Variants in PTPRG observed in about 807,000 individuals in gnomAD.
The protein encoded by PTPRG is receptor-type tyrosine-protein phosphatase gamma.
A neutral mutation model predicts 165.3 loss-of-function variants in PTPRG; 102 were observed. That is an observed-to-expected ratio of 0.62 (90% CI 0.53 to 0.73). The LOEUF (loss-of-function observed/expected upper bound fraction) is 0.73. PTPRG is among the 30% of genes least tolerant of loss of function. The probability of loss-of-function intolerance (pLI) is 0.00; values close to 1 mark genes in which losing one functional copy is unlikely to be tolerated. For synonymous variants in PTPRG, 675 were observed against 669.5 expected, an observed-to-expected ratio of 1.01 and a Z score of -0.13; for missense variants, 1,866 against 1,861.4, an observed-to-expected ratio of 1.00 and a Z score of -0.05.
chr3:61,655,109 G>C (rs1702474015), intron 1 of PTPRG, among the ~76,000 whole-genome samples: 1 of 152,122 alleles, frequency 6.6e-6, no homozygotes, highest in Admixed American at 6.5e-5. Context: ...TCAGCTTATT[G>C]AGGTGTGCGG....
chr3:62,108,061 T>A (rs1441589662), intron 5 of PTPRG, among the ~76,000 whole-genome samples: 1 of 151,950 alleles, frequency 6.6e-6, no homozygotes, highest in Non-Finnish European at 1.5e-5. Context: ...TTTTTTTTAT[T>A]ATTATTAAAG....
In PTPRG at chr3:62,295,717, T is replaced by C. The variant is rs1441588877; in HGVS notation, c.*2410T>C. The stretch of plus-strand genomic sequence containing the variant: ...CTTCATATCCTGACCCACTGAATTA[T>C]AAGCAATTGCTACTTGCCCATCTTG... On this transcript the variant is annotated 3_prime_UTR_variant, in exon 30 of 30. Transcript: ENST00000474889. 6.6e-6 allele frequency: 1 copy of C among 152,126 alleles called. No individual in the cohort carries two copies. The highest frequency in any genetic ancestry group is 1.5e-5 in the Non-Finnish European group (1 of 68,012). 9.4% of individuals were successfully genotyped at this position (152,126 alleles called of 1,614,324 possible). A position where few individuals can be genotyped will look rare whatever the true frequency, so the allele number is the denominator to read the frequency against.
intron 1 of PTPRG, among the ~76,000 whole-genome samples, chr3:61,738,318 A>ATATATGTATATATATATATATATATG: frequency 1.0e-5 from 1 of 96,982 alleles, no homozygotes; most frequent in African/African-American, 3.6e-5. Flanking sequence ...ATATACATAT[A>ATATATGTATATATATATATATATATG]TATATATATA....
At chr3:61,982,426 T>A (rs1470000738) in intron 2 of PTPRG, among the ~76,000 whole-genome samples, 1 of 152,142 alleles carries the variant, frequency 6.6e-6, no homozygotes, top group Admixed American at 6.6e-5. Context: ...GGATTCAACT[T>A]GAAAGATATA....
At chr3:61,971,302 TATC>T (rs921974499) in intron 2 of PTPRG, among the ~76,000 whole-genome samples, 5 of 152,006 alleles carry the variant, frequency 3.3e-5, no homozygotes, top group African/African-American at 1.2e-4. Flanking sequence ...GAAGTAGGCT[TATC>T]ATCATGGAAG....
At chr3:61,748,282 A>G (rs1041946869) in intron 1 of PTPRG, among the ~76,000 whole-genome samples, 9 of 152,162 alleles carry the variant, frequency 5.9e-5, no homozygotes, top group African/African-American at 1.9e-4. Context: ...GCTTTGATGC[A>G]GGGATTCTTA....
chr3:62,057,351 G>A (rs1005211825), intron 4 of PTPRG, among the ~76,000 whole-genome samples: 2 of 152,196 alleles, frequency 1.3e-5, no homozygotes, highest in African/African-American at 2.4e-5. Flanking sequence ...ACTGTTTTCT[G>A]TTGTCCAGGA....
chr3:61,730,026 T>C (rs762294448), intron 1 of PTPRG, among the ~76,000 whole-genome samples: 4 of 152,338 alleles, frequency 2.6e-5, no homozygotes, highest in South Asian at 2.1e-4. Context: ...AAAATGATAG[T>C]GCGTCTTATT....
intron 2 of PTPRG, among the ~76,000 whole-genome samples, chr3:61,780,223 A>C (rs984781344): frequency 6.6e-6 from 1 of 152,204 alleles, no homozygotes; most frequent in Non-Finnish European, 1.5e-5. Context: ...TTAGTCATTT[A>C]ATCAGCAGCT....
chr3:61,880,380 G>T (rs1370223559), intron 2 of PTPRG, among the ~76,000 whole-genome samples: 2 of 152,188 alleles, frequency 1.3e-5, no homozygotes, highest in South Asian at 2.1e-4. Flanking sequence ...AGAACTTCGG[G>T]AGACCAAGGC....
rs2037726413 is a variant in PTPRG at position 61,875,892 on chromosome 3, G to A, written c.191-113733G>A. Among the ~76,000 whole-genome samples the A allele has an allele frequency of 2.0e-5, 3 of 152,078 alleles. No homozygotes were observed. In the South Asian group the frequency reaches 6.2e-4, roughly 32 times the overall value. On this transcript the variant is annotated intron_variant, in intron 2 of 29. Transcript: ENST00000474889. The stretch of plus-strand genomic sequence containing the variant: ...ACTTTGATAAGAATCCAAGGTGAGG[G>A]ACCCAACTGGGCCTCACTGGTTTCC...
At position 62,292,420 on chromosome 3, in the gene PTPRG, G is replaced by A; in HGVS notation, c.4056-1G>A. ...TCGTATCTTTTTTTTTTCTCCCCCA[G>A]GTATGGAGCAGTTTCAGCAGGAATG... is the stretch of plus-strand genomic sequence containing the variant. On this transcript the variant is annotated splice_acceptor_variant, in intron 28 of 29. Coordinates refer to ENST00000474889, the MANE Select transcript of PTPRG (RefSeq NM_002841.4). LOFTEE classifies it high-confidence loss of function. 1 of 1,605,634 alleles carries A rather than the reference G, an allele frequency of 6.2e-7. No individual in the cohort carries two copies. The highest frequency in any genetic ancestry group is 8.5e-7 in the Non-Finnish European group (1 of 1,177,156).
At position 62,125,742 on chromosome 3, in the gene PTPRG, C is replaced by T. The variant is rs11916619; in HGVS notation, c.616-6860C>T. Among the ~76,000 whole-genome samples the T allele has an allele frequency of 3.0e-3, 448 of 149,972 alleles. 4 individuals are homozygous for T. The highest frequency in any genetic ancestry group is 9.8e-3 in the African/African-American group (399 of 40,604). On this transcript the variant is annotated intron_variant, in intron 5 of 29. Transcript: ENST00000474889. Reference sequence around the variant, plus strand: ...AATATCTGTGTGAAACAGTTTGCAACGTAGCTTAAGACTCTAGGTCATGCT... The same window carrying T: ...AATATCTGTGTGAAACAGTTTGCAATGTAGCTTAAGACTCTAGGTCATGCT...
chr3:61,580,025 A>G (rs1012440062), intron 1 of PTPRG, among the ~76,000 whole-genome samples: 2 of 152,216 alleles, frequency 1.3e-5, no homozygotes, highest in Non-Finnish European at 2.9e-5. Context: ...AAAAAAATAA[A>G]AAATATGTCA....
chr3:62,177,883 A>G (rs1177070869), intron 8 of PTPRG, among the ~76,000 whole-genome samples: 1 of 152,116 alleles, frequency 6.6e-6, no homozygotes, highest in Admixed American at 6.6e-5. Context: ...TTTACATCTG[A>G]TTATGCGATA....
intron 4 of PTPRG, among the ~76,000 whole-genome samples, chr3:62,026,826 C>G (rs1302254334): frequency 7.1e-6 from 1 of 140,682 alleles, no homozygotes; most frequent in African/African-American, 2.8e-5. Context: ...GTGGAGGTTG[C>G]AGTAAGCCGA....
intron 6 of PTPRG, among the ~76,000 whole-genome samples, chr3:62,142,427 C>G (rs1320871211): frequency 6.6e-6 from 1 of 152,022 alleles, no homozygotes; most frequent in African/African-American, 2.4e-5. Context: ...CACCCACACA[C>G]CAGAGCTCAC....
intron 27 of PTPRG, 47 bp from the exon 28 acceptor site, chr3:62,282,680 T>C: frequency 6.4e-7 from 1 of 1,560,628 alleles, no homozygotes; most frequent in Non-Finnish European, 8.7e-7. Context: ...AGATTGTAGA[T>C]ATGTGAAATA....
At chr3:62,122,707 G>T (rs1237695660) in intron 5 of PTPRG, among the ~76,000 whole-genome samples, 1 of 152,158 alleles carries the variant, frequency 6.6e-6, no homozygotes, top group East Asian at 1.9e-4. Context: ...TCCATTTGGG[G>T]TTCGCTCATT....
Sources: allele counts gnomAD v4.1 joint callset (sites outside exome capture counted in the v4.1 genomes callset), GRCh38; gene constraint gnomAD v4.1.1; transcripts MANE v1.5; gene names NCBI Gene and HGNC (gene_info 2026-07-23, HGNC 2026-07-21).